The following HGSNAT variants were observed in gnomAD, a reference collection of about 807,000 sequenced individuals.
HGSNAT encodes the protein transmembrane protein 76.
In HGSNAT, 59 loss-of-function variants were observed where a neutral mutation model predicts 85.2. The ratio of observed to expected loss-of-function variants is 0.69; its 90% CI spans 0.56 to 0.86. The LOEUF (loss-of-function observed/expected upper bound fraction) is 0.86, where lower values mean the gene tolerates loss of function less well. Among genes scored for constraint, HGSNAT ranks in the 40% least tolerant of loss-of-function variants. The pLI, the probability that HGSNAT is intolerant of heterozygous loss-of-function variation, is 0.00. For missense variants in HGSNAT, 756 were observed against 777.1 expected, an observed-to-expected ratio of 0.97 and a Z score of 0.32; for synonymous variants, 321 against 304.5, an observed-to-expected ratio of 1.05 and a Z score of -0.56.
intron 2 of HGSNAT, among the ~76,000 whole-genome samples, chr8:43,148,820 T>TA (rs939740376): frequency 6.8e-6 from 1 of 148,042 alleles, no homozygotes. Context: ...AAGAAAGAAT[T>TA]AAAAAACAGG....
intron 8 of HGSNAT, among the ~76,000 whole-genome samples, chr8:43,173,259 G>A (rs574208004): frequency 1.9e-4 from 29 of 152,184 alleles, no homozygotes; most frequent in African/African-American, 6.7e-4. Flanking sequence ...CAAAGTGCTG[G>A]GATTACAGGT....
intron 1 of HGSNAT, among the ~76,000 whole-genome samples, chr8:43,142,624 GT>G (rs1268850100): frequency 1.3e-5 from 2 of 152,132 alleles, no homozygotes; most frequent in Non-Finnish European, 2.9e-5. Context: ...GAGGTTCGTT[GT>G]TTTTTGTGGG....
Position 43,169,223 on chromosome 8 carries a change from C to T in HGSNAT, c.614C>T (p.Thr205Ile). The change falls in exon 6 of 18, where the codon ACT (threonine) becomes ATT (isoleucine). Residue 205 changes from threonine (T) to isoleucine (I), a missense_variant. By Grantham distance (89) the Thr-to-Ile change is moderately conservative. Coordinates refer to ENST00000379644, the MANE Select transcript of HGSNAT (RefSeq NM_152419.3). The part of the protein sequence containing the change: ...WISKAISSRE[T>I]DRLINSELGS... ...TCTAAAGCCATAAGTTCTCGAGAAA[C>T]TGATCGCCTCATCAATTCTGTAAGT... 1 of 1,584,756 alleles carries T rather than the reference C, an allele frequency of 6.3e-7. No individual in the cohort carries two copies. The highest frequency in any genetic ancestry group is 1.7e-4 in the Middle Eastern group (1 of 6,002).
intron 5 of HGSNAT, chr8:43,167,868 T>C: frequency 4.8e-6 from 1 of 208,326 alleles, no homozygotes; most frequent in Non-Finnish European, 1.0e-5. Flanking sequence ...ATTTATCTTT[T>C]GTTAGTCATG....
chr8:43,163,512 C>T, intron 5 of HGSNAT, among the ~76,000 whole-genome samples: 1 of 150,222 alleles, frequency 6.7e-6, no homozygotes, highest in Non-Finnish European at 1.5e-5. Flanking sequence ...TTAACTTCTC[C>T]TTTTCACCCT....
At chr8:43,149,042 G>T (rs539460253) in intron 2 of HGSNAT, among the ~76,000 whole-genome samples, 10 of 151,850 alleles carry the variant, frequency 6.6e-5, no homozygotes, top group Non-Finnish European at 1.0e-4. Context: ...TTTAACCCCG[G>T]GAGGCAGAGG....
At chr8:43,175,697 C>T (rs1456937235) in intron 9 of HGSNAT, among the ~76,000 whole-genome samples, 1 of 150,822 alleles carries the variant, frequency 6.6e-6, no homozygotes, top group African/African-American at 2.4e-5. Context: ...TCCCGAGTAG[C>T]TGGGATTACA....
At chr8:43,166,344 G>A (rs1803435115) in intron 5 of HGSNAT, among the ~76,000 whole-genome samples, 1 of 152,190 alleles carries the variant, frequency 6.6e-6, no homozygotes, top group Admixed American at 6.6e-5. Flanking sequence ...TAATAGCCAG[G>A]AAGGAGAATT....
chr8:43,189,758 G>T lies in HGSNAT; in HGVS notation c.1129-1716G>T, dbSNP rs191600169. 2.0e-4 allele frequency among the ~76,000 whole-genome samples: 30 copies of T among 152,292 alleles called. No homozygotes were observed. In the East Asian group the frequency reaches 5.2e-3, roughly 27 times the overall value. On this transcript the variant is annotated intron_variant, in intron 11 of 17. Coordinates refer to ENST00000379644, the MANE Select transcript of HGSNAT (RefSeq NM_152419.3). ...CATCTTGGAACCTCCTCCACGCCCA[G>T]CTAATTTTTTGTATTTTTTAGTAGA...
chr8:43,192,013 G>C lies in HGSNAT; in HGVS notation c.1251-291G>C, dbSNP rs3739432. Among the ~76,000 whole-genome samples, 130,839 of 152,038 alleles carry C rather than the reference G, an allele frequency of 0.86. 57,133 individuals carry two copies. The highest frequency in any genetic ancestry group is 0.95 in the Non-Finnish European group (64,335 of 67,998). On this transcript the variant is annotated intron_variant, in intron 12 of 17. Transcript: ENST00000379644. ...GCATGAACTCGGCTCACTGCAACCT[G>C]CGCCTCCCAGGTTCAAGCGATTCTC...
intron 2 of HGSNAT, among the ~76,000 whole-genome samples, chr8:43,156,900 G>T (rs1482494480): frequency 6.6e-6 from 1 of 151,602 alleles, no homozygotes; most frequent in Non-Finnish European, 1.5e-5. Flanking sequence ...TTGAGTCTGT[G>T]TGTTCTTAAA....
chr8:43,160,774 A>G (rs921497130), intron 4 of HGSNAT, among the ~76,000 whole-genome samples: 1 of 152,206 alleles, frequency 6.6e-6, no homozygotes, highest in Non-Finnish European at 1.5e-5. Context: ...GATTTGAGGT[A>G]GGATCCCACA....
chr8:43,146,455 A>G (rs752436554), intron 1 of HGSNAT, among the ~76,000 whole-genome samples: 6 of 152,166 alleles, frequency 3.9e-5, no homozygotes, highest in Non-Finnish European at 7.3e-5. Flanking sequence ...AGAGTAATAC[A>G]AATTGGGTTC....
chr8:43,200,692 A>G lies in HGSNAT; in HGVS notation c.*1123A>G, dbSNP rs181523955. On this transcript the variant is annotated 3_prime_UTR_variant, in exon 18 of 18. Transcript: ENST00000379644. ...CAAACAGAGACACACGGCATTGTTC[A>G]TGGGAGGCATCGTCACCCTCCTGGG... 1 of 152,508 alleles carries G rather than the reference A, an allele frequency of 6.6e-6. No individual in the cohort carries two copies. Among genetic ancestry groups the G allele is most frequent in the East Asian group, 1.9e-4 (1 of 5,184 alleles). The allele number at this position is 152,508 out of a possible 1,614,324, so 9.4% of individuals were successfully genotyped here. A position where few individuals can be genotyped will look rare whatever the true frequency, so the allele number is the denominator to read the frequency against.
chr8:43,153,499 C>T lies in HGSNAT; in HGVS notation c.235-5076C>T, dbSNP rs75220380. ...TGAGCCACCGTGCCCAGCCAATGTA[C>T]ACGTTGGGTAATGATCAAGTTAGGG... On this transcript the variant is annotated intron_variant, in intron 2 of 17. Coordinates refer to ENST00000379644, the MANE Select transcript of HGSNAT (RefSeq NM_152419.3). Among the ~76,000 whole-genome samples the T allele has an allele frequency of 7.1e-4, 108 of 152,234 alleles. 1 individual carries two copies. In the East Asian group the frequency reaches 0.02, roughly 28 times the overall value.
At chr8:43,150,812 T>C (rs941590752) in intron 2 of HGSNAT, among the ~76,000 whole-genome samples, 31 of 149,936 alleles carry the variant, frequency 2.1e-4, no homozygotes, top group African/African-American at 3.7e-4. Context: ...CCAGCCTGGG[T>C]GACAGAGCGA....
chr8:43,159,698 T>C (rs1379549632), intron 4 of HGSNAT, among the ~76,000 whole-genome samples: 2 of 152,224 alleles, frequency 1.3e-5, no homozygotes, highest in African/African-American at 4.8e-5. Flanking sequence ...AATAGGGTAA[T>C]TGACTGTCAA....
chr8:43,178,693 G>C (rs1489525134), intron 10 of HGSNAT, among the ~76,000 whole-genome samples: 1 of 149,668 alleles, frequency 6.7e-6, no homozygotes, highest in African/African-American at 2.5e-5. Flanking sequence ...GTGGAGGGAA[G>C]GTCAGCAGAT....
At chr8:43,141,278 G>A (rs920882688) in intron 1 of HGSNAT, among the ~76,000 whole-genome samples, 5 of 151,488 alleles carry the variant, frequency 3.3e-5, no homozygotes, top group Non-Finnish European at 5.9e-5. Context: ...TCCCTCCAGG[G>A]TGACTGGGAA....
Sources: allele counts gnomAD v4.1 joint callset (sites outside exome capture counted in the v4.1 genomes callset), GRCh38; gene constraint gnomAD v4.1.1; transcripts MANE v1.5; gene names NCBI Gene and HGNC (gene_info 2026-07-23, HGNC 2026-07-21).